The following ADCK1 variants were observed in gnomAD, a reference collection of about 807,000 sequenced individuals.
ADCK1 encodes the protein aarF domain-containing protein kinase 1.
Under a neutral mutation model 52.3 loss-of-function variants are expected in ADCK1, and 41 were observed. The ratio of observed to expected loss-of-function variants is 0.78; its 90% confidence interval spans 0.61 to 1.02. ADCK1 has a LOEUF of 1.02. Among genes scored for constraint, ADCK1 ranks in the 50% least tolerant of loss-of-function variants. The pLI is 0.00. For synonymous variants in ADCK1, 250 were observed against 274.6 expected (o/e 0.91, Z 0.89); for missense variants, 658 against 679.5 (o/e 0.97, Z 0.35).
chr14:77,925,329 T>G (rs2084163786), intron 8 of ADCK1, among the ~76,000 whole-genome samples: 1 of 152,246 alleles, frequency 6.6e-6, no homozygotes, highest in African/African-American at 2.4e-5. Flanking sequence ...TGCCAGGCTC[T>G]GCCTCCCAAG....
chr14:77,875,740 G>A (rs139729380), intron 4 of ADCK1, among the ~76,000 whole-genome samples: 6 of 152,278 alleles, frequency 3.9e-5, no homozygotes, highest in East Asian at 1.9e-4. Flanking sequence ...GGAAGATGTC[G>A]CTTCAACTGA....
chr14:77,842,527 C>CCCTCCTTCCCTTCCTCCCTT (rs2082096067), intron 3 of ADCK1, among the ~76,000 whole-genome samples: 1 of 147,534 alleles, frequency 6.8e-6, no homozygotes, highest in African/African-American at 2.5e-5. Context: ...TTTCCTCCCT[C>CCCTCCTTCCCTTCCTCCCTT]CCTCCTTCCC....
rs1227913937 is a variant in ADCK1, at chr14:77,852,637, G to A, written c.220-6439G>A. 2.6e-5 allele frequency among the ~76,000 whole-genome samples: 3 copies of A among 114,436 alleles called. 1 individual carries two copies. Among genetic ancestry groups the A allele is most frequent in the Non-Finnish European group, 5.2e-5 (3 of 57,364 alleles). 75.1% of individuals were successfully genotyped at this position (114,436 alleles called of 152,430 possible). On this transcript the variant is annotated intron_variant, in intron 3 of 10. Transcript: ENST00000238561. ...AAAAATCAAATTTGAAAAAATTTCAGCCATTATTTCTTTAAATAAATAAAT... is the reference window on the plus strand; with the variant it reads ...AAAAATCAAATTTGAAAAAATTTCAACCATTATTTCTTTAAATAAATAAAT...
chr14:77,858,136 T>C (rs1283500266), intron 3 of ADCK1, among the ~76,000 whole-genome samples: 2 of 152,200 alleles, frequency 1.3e-5, no homozygotes, highest in African/African-American at 4.8e-5. Flanking sequence ...CCCACTACAG[T>C]GACTCCTCCA....
At chr14:77,841,674 C>CAAAAA (rs71128696) in intron 3 of ADCK1, among the ~76,000 whole-genome samples, 2 of 74,276 alleles carry the variant, frequency 2.7e-5, no homozygotes, top group Non-Finnish European at 4.8e-5. Context: ...ACTAAAAATA[C>CAAAAA]AAAAAAAAAA....
intron 4 of ADCK1, among the ~76,000 whole-genome samples, chr14:77,881,647 C>T (rs932343911): frequency 2.6e-5 from 4 of 152,146 alleles, no homozygotes; most frequent in African/African-American, 4.8e-5. Context: ...GTTTCTCACC[C>T]TTTTCCCCCC....
At chr14:77,905,146 G>A (rs375297860) in intron 6 of ADCK1, among the ~76,000 whole-genome samples, 6 of 152,044 alleles carry the variant, frequency 3.9e-5, no homozygotes, top group African/African-American at 1.4e-4. Flanking sequence ...TTAAGCAGCA[G>A]AAGCAAGGGG....
At chr14:77,889,519 A>G (rs1403411622) in intron 5 of ADCK1, among the ~76,000 whole-genome samples, 3 of 152,178 alleles carry the variant, frequency 2.0e-5, no homozygotes, top group East Asian at 1.9e-4. Flanking sequence ...GATCATAGAC[A>G]TGGGAGTGGG....
intron 3 of ADCK1, among the ~76,000 whole-genome samples, chr14:77,834,024 T>C (rs1193180494): frequency 1.3e-5 from 2 of 152,208 alleles, no homozygotes; most frequent in Admixed American, 1.3e-4. Flanking sequence ...ATAGTACACT[T>C]TACCCATGCA....
At chr14:77,843,895 T>C (rs190405640) in intron 3 of ADCK1, among the ~76,000 whole-genome samples, 370 of 152,306 alleles carry the variant, frequency 2.4e-3, no homozygotes, top group African/African-American at 8.4e-3. Context: ...AACTGCCCTC[T>C]CCAGATACCC....
intron 4 of ADCK1, among the ~76,000 whole-genome samples, chr14:77,871,924 T>A (rs2140167705): frequency 6.6e-6 from 1 of 152,166 alleles, no homozygotes; most frequent in South Asian, 2.1e-4. Flanking sequence ...GTGAGCAGAG[T>A]CAGGTCTGGC....
chr14:77,885,886 T>C (rs2083136312), intron 4 of ADCK1, among the ~76,000 whole-genome samples: 2 of 152,218 alleles, frequency 1.3e-5, no homozygotes, highest in South Asian at 2.1e-4. Flanking sequence ...TCTTTCCTAG[T>C]TGGCAGAATA....
chr14:77,915,893 T>C lies in ADCK1; in HGVS notation c.858+7974T>C, dbSNP rs1045499107. On this transcript the variant is annotated intron_variant, in intron 7 of 10. Coordinates refer to ENST00000238561, the MANE Select transcript of ADCK1 (RefSeq NM_020421.4). ...CCCAGTTACCTTTTGTAAAGTGGGA[T>C]ACAAGAGAGTAACCCACTGGATCGT... Among the ~76,000 whole-genome samples the C allele has an allele frequency of 9.8e-5, 15 of 152,304 alleles. No homozygotes were observed. The South Asian group carries it at 2.9e-3, about 29-fold the overall frequency.
rs2084375813 is a variant in ADCK1 at position 77,933,085 on chromosome 14, A to G, written c.1401-135A>G. On this transcript the variant is annotated intron_variant, in intron 10 of 10. Coordinates refer to ENST00000238561, the MANE Select transcript of ADCK1 (RefSeq NM_020421.4). ...GGGTAGTGGTATAGTATGATCCTGT[A>G]TCCAAGAGTAGTCCCTAGGGGCAGG... 7.6e-6 allele frequency: 6 copies of G among 793,318 alleles called. No homozygotes were observed. The South Asian group carries it at 9.3e-5, about 12-fold the overall frequency. 49.1% of individuals were successfully genotyped at this position (793,318 alleles called of 1,614,324 possible).
chr14:77,827,224 C>T (rs565817800), intron 3 of ADCK1, among the ~76,000 whole-genome samples: 16 of 151,358 alleles, frequency 1.1e-4, no homozygotes, highest in African/African-American at 2.7e-4. Flanking sequence ...TGGTGGTGGG[C>T]GCCTGTAGTC....
chr14:77,820,595 G>C (rs1280051759), intron 2 of ADCK1, among the ~76,000 whole-genome samples: 1 of 151,646 alleles, frequency 6.6e-6, no homozygotes, highest in East Asian at 1.9e-4. Flanking sequence ...GTCTCCCAAA[G>C]TGTTGGGATT....
rs530925697 is a variant in ADCK1 at position 77,805,987 on chromosome 14, C to CT, written c.-12+5840dup. ...TCCTCCCATAATCCTATTCTTACGG[C>CT]TTTTTTTTTTTTTTTTTTTTTTTAA... On this transcript the variant is annotated intron_variant, in intron 1 of 10. Transcript: ENST00000238561. Among the ~76,000 whole-genome samples the CT allele has an allele frequency of 9.2e-3, 803 of 87,652 alleles. 10 individuals carry two copies. The highest frequency in any genetic ancestry group is 0.02 in the African/African-American group (488 of 24,330). The allele number at this position is 87,652 out of a possible 152,430, so 57.5% of individuals were successfully genotyped here.
In ADCK1 at chr14:77,870,959, C is replaced by T. The variant is rs544534084; in HGVS notation, c.423+11680C>T. ...CTTCTGATGCCTCTCCCTGTCTCCT[C>T]GTGACCCAGAGGTCTGTTCTTCCTC... On this transcript the variant is annotated intron_variant, in intron 4 of 10. Transcript: ENST00000238561. Among the ~76,000 whole-genome samples, 731 of 152,318 alleles carry T rather than the reference C, an allele frequency of 4.8e-3. 6 individuals are homozygous for T. The highest frequency in any genetic ancestry group is 0.017 in the African/African-American group (694 of 41,564).
intron 6 of ADCK1, among the ~76,000 whole-genome samples, chr14:77,905,304 G>GTTT (rs58057378): frequency 0.026 from 2,489 of 96,198 alleles, 158 homozygotes; most frequent in African/African-American, 0.032. Context: ...TTCCTAGCTG[G>GTTT]TTTTTTTTTT....
Sources: gnomAD v4.1 joint callset for allele counts (sites outside exome capture counted in the v4.1 genomes callset) on GRCh38, gnomAD v4.1.1 for gene constraint, MANE v1.5 for transcripts, NCBI Gene and HGNC (gene_info 2026-07-23, HGNC 2026-07-21) for gene names.